Variants in PDS5A observed in about 807,000 individuals in gnomAD.
PDS5A encodes sister chromatid cohesion protein PDS5 homolog A.
A neutral mutation model predicts 167.1 loss-of-function variants in PDS5A; 42 were observed. The ratio of observed to expected loss-of-function variants is 0.25; its 90% CI spans 0.20 to 0.33. The LOEUF is 0.33. PDS5A is among the 10% of genes least tolerant of loss of function. PDS5A has a pLI of 1.00. For synonymous variants in PDS5A, 553 were observed against 554.6 expected (o/e 1.00, Z 0.04); for missense variants, 1,033 against 1,605.9 (o/e 0.64, Z 6.10).
In PDS5A at chr4:39,823,416, G is replaced by A. The variant is rs1196070789; in HGVS notation, c.*2069C>T. On this transcript the variant is annotated 3_prime_UTR_variant, in exon 33 of 33. Coordinates refer to ENST00000303538, the MANE Select transcript of PDS5A (RefSeq NM_001100399.2). ...AAACAGGAATATATTGATGCAGATG[G>A]TTCTGCTACATTTTATTTAATATGA... 1 of 152,432 alleles carries A rather than the reference G, an allele frequency of 6.6e-6. No homozygotes were observed. The highest frequency in any genetic ancestry group is 2.4e-5 in the African/African-American group (1 of 41,520). 9.4% of individuals were successfully genotyped at this position (152,432 alleles called of 1,614,324 possible). A position where few individuals can be genotyped will look rare whatever the true frequency, so the allele number is the denominator to read the frequency against.
chr4:39,963,657 C>T (rs553856842), intron 2 of PDS5A, among the ~76,000 whole-genome samples: 6 of 152,140 alleles, frequency 3.9e-5, no homozygotes, highest in African/African-American at 1.4e-4. Context: ...CATGGCAAAA[C>T]CCTGTCTCTT....
intron 2 of PDS5A, among the ~76,000 whole-genome samples, chr4:39,960,695 A>ATT (rs71646903): frequency 4.3e-4 from 62 of 145,114 alleles, no homozygotes; most frequent in South Asian, 6.6e-4. Context: ...TACAAAGCTA[A>ATT]TTTTTTTTTT....
chr4:39,976,681 C>A lies in PDS5A; in HGVS notation c.-40-64G>T. The A allele has an allele frequency of 1.4e-5, 12 of 840,026 alleles. No homozygotes were observed. The South Asian group carries it at 2.3e-4, about 16-fold the overall frequency. 52.0% of individuals were successfully genotyped at this position (840,026 alleles called of 1,614,324 possible). On this transcript the variant is annotated intron_variant, in intron 1 of 32. Coordinates refer to ENST00000303538, the MANE Select transcript of PDS5A (RefSeq NM_001100399.2). ...GACTTTGTAACCTCTTTTTTCATTT[C>A]AAATCTCTCTAATCTGGAAAAGGCC...
At chr4:39,913,028 G>T (rs1239203443) in intron 9 of PDS5A, among the ~76,000 whole-genome samples, 2 of 151,620 alleles carry the variant, frequency 1.3e-5, no homozygotes, top group African/African-American at 4.8e-5. Context: ...TCAGTTTCAT[G>T]ATTTAAAGAT....
At chr4:39,899,434 T>C (rs1051824222) in intron 14 of PDS5A, among the ~76,000 whole-genome samples, 1 of 152,246 alleles carries the variant, frequency 6.6e-6, no homozygotes, top group Non-Finnish European at 1.5e-5. Flanking sequence ...CGATGGAATA[T>C]AGTCATGTCC....
Position 39,922,752 on chromosome 4 carries a change from TAAA to T in PDS5A, c.528-7_528-5del, listed in dbSNP as rs368289837. On this transcript the variant is annotated splice_polypyrimidine_tract_variant and splice_region_variant and intron_variant, in intron 5 of 32. Coordinates refer to ENST00000303538, the MANE Select transcript of PDS5A (RefSeq NM_001100399.2). ...TACCTTCTTATTGTGGCTATTGCTA[TAAA>T]AAAAAAAAAAAAAGAATAAGTAGTA... 4.3e-4 allele frequency: 533 copies of T among 1,236,862 alleles called. No homozygotes were observed. Among genetic ancestry groups the T allele is most frequent in the South Asian group, 2.1e-3 (78 of 37,556 alleles). 76.6% of individuals were successfully genotyped at this position (1,236,862 alleles called of 1,614,324 possible).
intron 2 of PDS5A, among the ~76,000 whole-genome samples, chr4:39,949,907 C>T (rs867619160): frequency 6.0e-5 from 9 of 149,024 alleles, no homozygotes; most frequent in Admixed American, 2.0e-4. Context: ...AACAACCATA[C>T]ATTTTATTTT....
intron 9 of PDS5A, among the ~76,000 whole-genome samples, chr4:39,912,050 C>T (rs1723942348): frequency 1.3e-5 from 2 of 152,238 alleles, no homozygotes; most frequent in East Asian, 1.9e-4. Flanking sequence ...TGGCCTCCCA[C>T]TTTCTTACCC....
At chr4:39,849,062 A>G (rs1717887309) in intron 27 of PDS5A, 92 bp from the exon 28 acceptor site, 1 of 898,252 alleles carries the variant, frequency 1.1e-6, no homozygotes, top group Non-Finnish European at 1.7e-6. Context: ...GAGTTAAAAG[A>G]AGGATACTGT....
At chr4:39,955,700 C>T (rs918718262) in intron 2 of PDS5A, among the ~76,000 whole-genome samples, 5 of 151,940 alleles carry the variant, frequency 3.3e-5, no homozygotes, top group African/African-American at 9.7e-5. Flanking sequence ...GGGAAGTCTT[C>T]CTGGGGGACG....
intron 4 of PDS5A, 73 bp from the exon 5 acceptor site, chr4:39,926,006 AAATT>A (rs1725423484): frequency 1.1e-5 from 5 of 442,346 alleles, no homozygotes; most frequent in African/African-American, 2.1e-5. Flanking sequence ...ACTCAGTAAA[AAATT>A]AATTTTTAGA....
At chr4:39,947,016 G>A (rs1224732525) in intron 2 of PDS5A, among the ~76,000 whole-genome samples, 3 of 151,886 alleles carry the variant, frequency 2.0e-5, no homozygotes, top group African/African-American at 7.3e-5. Context: ...TGAGGTGAGG[G>A]GAATTACTTC....
intron 2 of PDS5A, among the ~76,000 whole-genome samples, chr4:39,931,770 G>A (rs1170598488): frequency 6.6e-6 from 1 of 152,112 alleles, no homozygotes; most frequent in Admixed American, 6.6e-5. Context: ...ACTATACAAG[G>A]GAGTAAATAC....
At chr4:39,894,562 T>C (rs1722234561) in intron 16 of PDS5A, among the ~76,000 whole-genome samples, 1 of 152,208 alleles carries the variant, frequency 6.6e-6, no homozygotes, top group Non-Finnish European at 1.5e-5. Context: ...CATGTCCTCC[T>C]AATTATTGGT....
At chr4:39,973,495 G>A (rs1730769321) in intron 2 of PDS5A, 5 of 1,328,982 alleles carry the variant, frequency 3.8e-6, no homozygotes, top group Middle Eastern at 1.8e-4. Context: ...TGATAGTATT[G>A]ATGATGAACG....
chr4:39,827,103 C>T (rs1176645701), intron 32 of PDS5A, among the ~76,000 whole-genome samples: 1 of 151,162 alleles, frequency 6.6e-6, no homozygotes, highest in Non-Finnish European at 1.5e-5. Flanking sequence ...CAGGTTCAAG[C>T]GATTCTCCTG....
chr4:39,875,954 T>C (rs1274943833), intron 19 of PDS5A, among the ~76,000 whole-genome samples: 37 of 152,046 alleles, frequency 2.4e-4, no homozygotes, highest in Non-Finnish European at 1.5e-5. Context: ...AGTGATGCCA[T>C]CAGAGTTGTT....
chr4:39,957,678 C>T (rs1232849577), intron 2 of PDS5A, among the ~76,000 whole-genome samples: 1 of 148,576 alleles, frequency 6.7e-6, no homozygotes, highest in East Asian at 2.1e-4. Context: ...CCCAGCTACT[C>T]GGGAGGCTGA....
chr4:39,842,616 C>T (rs184677553), intron 30 of PDS5A, among the ~76,000 whole-genome samples: 3 of 151,954 alleles, frequency 2.0e-5, no homozygotes, highest in African/African-American at 7.2e-5. Flanking sequence ...TCTATAAAAA[C>T]CACAATATTA....
Sources: allele counts gnomAD v4.1 joint callset (sites outside exome capture counted in the v4.1 genomes callset), GRCh38; gene constraint gnomAD v4.1.1; transcripts MANE v1.5; gene names NCBI Gene and HGNC (gene_info 2026-07-23, HGNC 2026-07-21).